Variants in MID1 observed in about 807,000 individuals in gnomAD.
MID1 encodes midline 1.
Under a neutral mutation model 40.4 loss-of-function variants are expected in MID1, and 7 were observed. The observed-to-expected ratio is 0.17, with a 90% CI of 0.10 to 0.33. The LOEUF (loss-of-function observed/expected upper bound fraction) is 0.33, where lower values mean the gene tolerates loss of function less well. Ranked by LOEUF, MID1 falls within the 10% of genes least tolerant of loss-of-function variation. The pLI is 1.00. For missense variants in MID1, 367 were observed against 558.5 expected (o/e 0.66, Z 3.46); for synonymous variants, 229 against 221.2 (o/e 1.04, Z -0.31).
chrX:10,597,980 G>C (rs1223250524), intron 1 of MID1, among the ~76,000 whole-genome samples: 1 of 111,452 alleles, frequency 9.0e-6, no homozygotes, highest in Admixed American at 9.5e-5. Context: ...GATGTTTTGA[G>C]GGCAGATGAA....
At chrX:10,486,957 C>A (rs1930649239) in intron 4 of MID1, among the ~76,000 whole-genome samples, 1 of 111,921 alleles carries the variant, frequency 8.9e-6, no homozygotes, top group African/African-American at 3.3e-5. Context: ...TCAAGCAATC[C>A]TCCTGCCTCA....
At chrX:10,726,974 A>C (rs933976851) in intron 1 of MID1, among the ~76,000 whole-genome samples, 3 of 112,955 alleles carry the variant, frequency 2.7e-5, no homozygotes, top group African/African-American at 9.6e-5. Flanking sequence ...TTCCAAGACT[A>C]CTTTCTTGAT....
intron 1 of MID1, among the ~76,000 whole-genome samples, chrX:10,580,192 C>G (rs1205954620): frequency 4.1e-5 from 4 of 97,419 alleles, no homozygotes; most frequent in African/African-American, 1.5e-4. Context: ...TCACATGCCC[C>G]CCCCCGCCCC....
rs111947377 is a variant in MID1 at position 10,696,028 on chromosome X, G to C, written c.-186-75609C>G. Reference sequence around the variant, plus strand: ...GGTGATGGTCAGGTGGTTGTTAACTGTCTCTCTAAAATAATAATTGGTTAT... The same window carrying C: ...GGTGATGGTCAGGTGGTTGTTAACTCTCTCTCTAAAATAATAATTGGTTAT... On this transcript the variant is annotated intron_variant, in intron 1 of 10. Coordinates refer to the MID1 transcript ENST00000380785. 5.0e-3 allele frequency among the ~76,000 whole-genome samples: 554 copies of C among 111,030 alleles called. 4 individuals are homozygous for C. The highest frequency in any genetic ancestry group is 0.017 in the African/African-American group (528 of 30,539).
At chrX:10,665,893 C>CT (rs1407270886) in intron 1 of MID1, among the ~76,000 whole-genome samples, 1 of 110,067 alleles carries the variant, frequency 9.1e-6, no homozygotes, top group Non-Finnish European at 1.9e-5. Context: ...TTTTGACTTG[C>CT]TTTTTTCTGT....
intron 1 of MID1, among the ~76,000 whole-genome samples, chrX:10,738,517 GAA>G (rs1569159224): frequency 8.9e-6 from 1 of 111,877 alleles, no homozygotes; most frequent in East Asian, 2.8e-4. Context: ...ATTTCAACTA[GAA>G]TTATCAGGTT....
rs1250885680 is a variant in MID1 at position 10,647,978 on chromosome X, C to G, written c.-186-27559G>C. ...AATACACAAAATTCCTCAATAATCT[C>G]CAGCCACAGGCTCCAACTGTTCCAG... is the stretch of plus-strand genomic sequence containing the variant. On this transcript the variant is annotated intron_variant, in intron 1 of 10. Coordinates refer to the MID1 transcript ENST00000380785. Among the ~76,000 whole-genome samples the G allele has an allele frequency of 2.7e-5, 3 of 112,145 alleles. No individual in the cohort carries two copies. In the Admixed American group the frequency reaches 2.9e-4, roughly 11 times the overall value.
intron 1 of MID1, among the ~76,000 whole-genome samples, chrX:10,600,466 TG>T (rs1469865878): frequency 5.4e-5 from 6 of 111,862 alleles, no homozygotes; most frequent in Non-Finnish European, 1.1e-4. Context: ...TTTGGATACT[TG>T]GGGGTTGGGG....
intron 4 of MID1, among the ~76,000 whole-genome samples, chrX:10,491,427 G>A (rs1930944169): frequency 9.1e-6 from 1 of 109,646 alleles, no homozygotes; most frequent in Non-Finnish European, 1.9e-5. Flanking sequence ...CTTTTTTGGG[G>A]GTGGGGGGAC....
intron 7 of MID1, among the ~76,000 whole-genome samples, chrX:10,467,486 G>A (rs1359117587): frequency 8.9e-6 from 1 of 111,848 alleles, no homozygotes; most frequent in Non-Finnish European, 1.9e-5. Flanking sequence ...AAGTCTTCCT[G>A]GAATTATCTT....
chrX:10,484,846 G>A (rs1009826907), intron 4 of MID1, among the ~76,000 whole-genome samples: 12 of 111,903 alleles, frequency 1.1e-4, no homozygotes, highest in Non-Finnish European at 2.1e-4. Context: ...CCAAATAGAA[G>A]AGGAGAAAAG....
intron 1 of MID1, among the ~76,000 whole-genome samples, chrX:10,717,374 A>G (rs1453558107): frequency 9.1e-6 from 1 of 109,996 alleles, no homozygotes; most frequent in Admixed American, 9.8e-5. Context: ...TGGAAAAAAA[A>G]AAAAAGGCAG....
chrX:10,763,458 C>T (rs1290827059), intron 1 of MID1, among the ~76,000 whole-genome samples: 5 of 110,464 alleles, frequency 4.5e-5, no homozygotes, highest in Non-Finnish European at 9.4e-5. Context: ...GAATGATGGT[C>T]TCCAGCTTCA....
chrX:10,783,905 C>T lies in MID1; in HGVS notation c.-187+49649G>A, dbSNP rs371064536. On this transcript the variant is annotated intron_variant, in intron 1 of 10. Coordinates refer to the MID1 transcript ENST00000380785. ...CTTTTTTTTAAAAAAAAAAATGGCA[C>T]TCCTATTGGCAGAAAGATATTCTTG... Among the ~76,000 whole-genome samples the T allele has an allele frequency of 1.2e-4, 13 of 109,812 alleles. No individual in the cohort carries two copies. In the East Asian group the frequency reaches 3.7e-3, roughly 31 times the overall value.
At chrX:10,756,630 G>T (rs2043634466) in intron 1 of MID1, among the ~76,000 whole-genome samples, 1 of 111,396 alleles carries the variant, frequency 9.0e-6, no homozygotes, top group Non-Finnish European at 1.9e-5. Flanking sequence ...GCATCAGAAG[G>T]GGGAGATAGA....
chrX:10,549,339 C>T (rs73202014), intron 2 of MID1, among the ~76,000 whole-genome samples: 126 of 113,260 alleles, frequency 1.1e-3, no homozygotes, highest in Non-Finnish European at 1.8e-3. Context: ...AGGAAGATCA[C>T]TTGTTGAAGG....
intron 1 of MID1, among the ~76,000 whole-genome samples, chrX:10,823,182 T>C (rs942891817): frequency 9.0e-6 from 1 of 111,442 alleles, no homozygotes; most frequent in Non-Finnish European, 1.9e-5. Flanking sequence ...GGGACATGGA[T>C]GGAGCTGGAA....
chrX:10,496,123 T>C (rs1931239775), intron 3 of MID1, among the ~76,000 whole-genome samples: 1 of 112,548 alleles, frequency 8.9e-6, no homozygotes, highest in African/African-American at 3.2e-5. Context: ...TATCAATCTC[T>C]TTTAGACAAA....
At chrX:10,542,586 A>G (rs1045071978) in intron 2 of MID1, among the ~76,000 whole-genome samples, 3 of 112,218 alleles carry the variant, frequency 2.7e-5, no homozygotes, top group Non-Finnish European at 5.6e-5. Flanking sequence ...ATCATTTTAC[A>G]TGTTTAGAAT....
Sources: allele counts gnomAD v4.1 joint callset (sites outside exome capture counted in the v4.1 genomes callset), GRCh38; gene constraint gnomAD v4.1.1; transcripts MANE v1.5; gene names NCBI Gene and HGNC (gene_info 2026-07-23, HGNC 2026-07-21).